ASIC2: variants seen among roughly 807,000 people sequenced by gnomAD.
ASIC2 encodes acid sensing ion channel subunit 2.
Under a neutral mutation model 57.3 loss-of-function variants are expected in ASIC2, and 25 were observed. The observed-to-expected ratio is 0.44, with a 90% CI of 0.32 to 0.61. The LOEUF (loss-of-function observed/expected upper bound fraction) is 0.61. Among genes scored for constraint, ASIC2 ranks in the 20% least tolerant of loss-of-function variants. The pLI, the probability that ASIC2 is intolerant of heterozygous loss-of-function variation, is 0.06. For synonymous variants in ASIC2, 319 were observed against 307.5 expected, an observed-to-expected ratio of 1.04 and a Z score of -0.39; for missense variants, 641 against 738.1, an observed-to-expected ratio of 0.87 and a Z score of 1.52.
chr17:33,656,548 C>T (rs888942477), intron 1 of ASIC2, among the ~76,000 whole-genome samples: 2 of 152,196 alleles, frequency 1.3e-5, no homozygotes, highest in African/African-American at 2.4e-5. Flanking sequence ...TATCTCCAAA[C>T]CTGCCTGAAA....
intron 1 of ASIC2, among the ~76,000 whole-genome samples, chr17:33,887,944 C>G (rs1379656856): frequency 6.6e-6 from 1 of 152,104 alleles, no homozygotes; most frequent in Non-Finnish European, 1.5e-5. Context: ...CAGGGAACTC[C>G]TTACAACTTA....
intron 1 of ASIC2, among the ~76,000 whole-genome samples, chr17:33,385,621 T>C (rs750371866): frequency 1.3e-5 from 2 of 152,228 alleles, no homozygotes; most frequent in Non-Finnish European, 2.9e-5. Context: ...AGCTGCGTAA[T>C]GCAGCAAGTT....
chr17:33,259,677 C>T (rs747952323), intron 1 of ASIC2, among the ~76,000 whole-genome samples: 2 of 152,146 alleles, frequency 1.3e-5, no homozygotes, highest in Non-Finnish European at 2.9e-5. Context: ...GCTCCTTGTT[C>T]GTATGATCAC....
intron 1 of ASIC2, chr17:34,038,807 G>C: frequency 1.2e-6 from 2 of 1,612,036 alleles, no homozygotes; most frequent in South Asian, 2.2e-5. Context: ...CTCATTGGTT[G>C]CAGGAGGGGC....
intron 1 of ASIC2, among the ~76,000 whole-genome samples, chr17:33,486,411 C>G: frequency 6.6e-6 from 1 of 152,228 alleles, no homozygotes; most frequent in East Asian, 1.9e-4. Flanking sequence ...CTCACTGCAT[C>G]AAACTGCCTC....
intron 1 of ASIC2, among the ~76,000 whole-genome samples, chr17:33,986,569 C>G (rs974693557): frequency 6.6e-6 from 1 of 152,080 alleles, no homozygotes; most frequent in African/African-American, 2.4e-5. Flanking sequence ...TTATTACCCA[C>G]AGTATAAATT....
At chr17:33,719,262 T>C (rs1337079209) in intron 1 of ASIC2, among the ~76,000 whole-genome samples, 3 of 151,964 alleles carry the variant, frequency 2.0e-5, no homozygotes, top group Admixed American at 6.5e-5. Flanking sequence ...GAGGAGAGCA[T>C]AGGAAATAAA....
intron 1 of ASIC2, among the ~76,000 whole-genome samples, chr17:33,276,376 G>A (rs1314483877): frequency 1.3e-5 from 2 of 152,208 alleles, no homozygotes; most frequent in Non-Finnish European, 2.9e-5. Context: ...AGGCCTTGTA[G>A]CGACAAAAGT....
At chr17:33,118,493 C>T (rs1304631258) in intron 1 of ASIC2, among the ~76,000 whole-genome samples, 1 of 152,184 alleles carries the variant, frequency 6.6e-6, no homozygotes, top group Non-Finnish European at 1.5e-5. Flanking sequence ...TCCCTCATAG[C>T]CACGGCTCAT....
chr17:33,747,891 G>T (rs181539076), intron 1 of ASIC2, among the ~76,000 whole-genome samples: 1 of 152,110 alleles, frequency 6.6e-6, no homozygotes, highest in African/African-American at 2.4e-5. Flanking sequence ...CATCATCCCC[G>T]CATCTTCAAG....
intron 1 of ASIC2, among the ~76,000 whole-genome samples, chr17:33,259,719 G>A (rs1294499878): frequency 6.6e-6 from 1 of 152,148 alleles, no homozygotes; most frequent in Non-Finnish European, 1.5e-5. Context: ...GCACCCAGCT[G>A]GGAATAGGGA....
chr17:33,634,928 A>G (rs1052747409), intron 1 of ASIC2: 1 of 152,132 alleles, frequency 6.6e-6, no homozygotes, highest in African/African-American at 2.4e-5. Flanking sequence ...AAACTGGCAA[A>G]CAAAGAAATA....
intron 1 of ASIC2, among the ~76,000 whole-genome samples, chr17:33,631,064 G>A (rs1484425802): frequency 2.6e-5 from 4 of 152,190 alleles, no homozygotes; most frequent in Non-Finnish European, 2.9e-5. Flanking sequence ...ACCTGGGTAA[G>A]GAGCAAGTGG....
intron 1 of ASIC2, among the ~76,000 whole-genome samples, chr17:34,097,649 A>C (rs545524414): frequency 6.6e-6 from 1 of 152,276 alleles, no homozygotes; most frequent in South Asian, 2.1e-4. Context: ...TAATTGTTAT[A>C]TCACTAGTTT....
At chr17:33,897,210 T>C (rs899607238) in intron 1 of ASIC2, among the ~76,000 whole-genome samples, 3 of 152,218 alleles carry the variant, frequency 2.0e-5, no homozygotes, top group Non-Finnish European at 2.9e-5. Context: ...GTATTGTGTG[T>C]CAAAATGAGA....
chr17:33,189,915 G>A (rs932238763), intron 1 of ASIC2, among the ~76,000 whole-genome samples: 31 of 152,096 alleles, frequency 2.0e-4, no homozygotes, highest in African/African-American at 7.5e-4. Context: ...GGATATAGAA[G>A]ACTTGGATAA....
At chr17:33,261,662 C>T (rs1909284726) in intron 1 of ASIC2, among the ~76,000 whole-genome samples, 1 of 152,198 alleles carries the variant, frequency 6.6e-6, no homozygotes, top group Admixed American at 6.5e-5. Flanking sequence ...GGACTCATAA[C>T]TGTCCTTGGA....
At chr17:33,944,562 G>T (rs1916264602) in intron 1 of ASIC2, among the ~76,000 whole-genome samples, 1 of 152,166 alleles carries the variant, frequency 6.6e-6, no homozygotes, top group South Asian at 2.1e-4. Context: ...GTGAGGAGAG[G>T]AAGGTGAGTC....
At chr17:34,008,468 A>T (rs1026690459) in intron 1 of ASIC2, among the ~76,000 whole-genome samples, 1 of 152,156 alleles carries the variant, frequency 6.6e-6, no homozygotes, top group African/African-American at 2.4e-5. Flanking sequence ...CAAGAAAATC[A>T]TCTCTTCTTG....
Sources: gnomAD v4.1 joint callset for allele counts (sites outside exome capture counted in the v4.1 genomes callset) on GRCh38, gnomAD v4.1.1 for gene constraint, MANE v1.5 for transcripts, NCBI Gene and HGNC (gene_info 2026-07-23, HGNC 2026-07-21) for gene names.